The following CNTNAP2 variants were observed in gnomAD, a reference collection of about 807,000 sequenced individuals.
The protein encoded by CNTNAP2 is contactin-associated protein-like 2.
A neutral mutation model predicts 155.2 loss-of-function variants in CNTNAP2; 98 were observed. That is an observed-to-expected ratio of 0.63 (90% CI 0.54 to 0.75). CNTNAP2 has a LOEUF of 0.75. Among genes scored for constraint, CNTNAP2 ranks in the 30% least tolerant of loss-of-function variants. CNTNAP2 has a pLI of 0.00. For synonymous variants in CNTNAP2, 651 were observed against 631.2 expected (o/e 1.03, Z -0.47); for missense variants, 1,727 against 1,688.1 (o/e 1.02, Z -0.40).
chr7:147,046,167 G>A lies in CNTNAP2; in HGVS notation c.550+2113G>A, dbSNP rs555624143. ...TACAGTGCCAAAGCTCACTATCACC[G>A]TTCTGTTTTTAATCCCAGCAAAATA... On this transcript the variant is annotated intron_variant, in intron 4 of 23. Transcript: ENST00000361727. Among the ~76,000 whole-genome samples the A allele has an allele frequency of 9.9e-5, 15 of 152,250 alleles. No individual in the cohort carries two copies. In the South Asian group the frequency reaches 2.5e-3, roughly 25 times the overall value.
At chr7:146,499,495 T>C (rs117367445) in intron 1 of CNTNAP2, among the ~76,000 whole-genome samples, 2,586 of 152,292 alleles carry the variant, frequency 0.017, 31 homozygotes, top group East Asian at 0.04. Flanking sequence ...AAACTGTGAG[T>C]TTCACAACTT....
chr7:147,856,898 A>G (rs946032549), intron 13 of CNTNAP2, among the ~76,000 whole-genome samples: 16 of 152,268 alleles, frequency 1.1e-4, no homozygotes, highest in African/African-American at 3.8e-4. Context: ...TGTACCCCTC[A>G]CCCAAGGAAA....
chr7:147,044,504 T>C (rs1350741666), intron 4 of CNTNAP2, among the ~76,000 whole-genome samples: 1 of 152,186 alleles, frequency 6.6e-6, no homozygotes, highest in East Asian at 1.9e-4. Flanking sequence ...TTATGCCTAT[T>C]CCTATACTAA....
intron 1 of CNTNAP2, among the ~76,000 whole-genome samples, chr7:146,675,191 G>T (rs1175513997): frequency 6.6e-6 from 1 of 151,954 alleles, no homozygotes; most frequent in Non-Finnish European, 1.5e-5. Context: ...TAATAAATGG[G>T]ATAATTAACA....
intron 12 of CNTNAP2, among the ~76,000 whole-genome samples, chr7:147,627,666 T>A (rs1241449791): frequency 8.6e-6 from 1 of 115,702 alleles, no homozygotes; most frequent in African/African-American, 3.7e-5. Context: ...CACTCCAGCC[T>A]GGGGGACAGA....
At chr7:146,246,002 T>C (rs1157758967) in intron 1 of CNTNAP2, among the ~76,000 whole-genome samples, 2 of 149,084 alleles carry the variant, frequency 1.3e-5, no homozygotes, top group East Asian at 3.9e-4. Flanking sequence ...CTTGTAAGGC[T>C]TGTCTGGTTT....
chr7:146,699,426 A>G (rs1202948322), intron 1 of CNTNAP2, among the ~76,000 whole-genome samples: 1 of 152,068 alleles, frequency 6.6e-6, no homozygotes, highest in Non-Finnish European at 1.5e-5. Context: ...ATGTGGTGAT[A>G]GGGTGTGAGG....
At chr7:148,163,283 G>T (rs6959037) in intron 17 of CNTNAP2, among the ~76,000 whole-genome samples, 2 of 152,030 alleles carry the variant, frequency 1.3e-5, no homozygotes, top group Non-Finnish European at 2.9e-5. Flanking sequence ...CAGTTCACTC[G>T]TCTGTAAAAT....
intron 1 of CNTNAP2, among the ~76,000 whole-genome samples, chr7:146,210,689 C>G (rs950665648): frequency 3.9e-5 from 6 of 152,134 alleles, no homozygotes; most frequent in Admixed American, 6.6e-5. Context: ...AATCTCTTAT[C>G]AGAAAAATAT....
At chr7:148,063,654 G>C (rs1803201512) in intron 15 of CNTNAP2, among the ~76,000 whole-genome samples, 1 of 151,392 alleles carries the variant, frequency 6.6e-6, no homozygotes, top group Admixed American at 6.6e-5. Flanking sequence ...AACTTCTGTA[G>C]TGGGTGACAA....
At chr7:148,292,635 G>A (rs1162655914) in intron 21 of CNTNAP2, among the ~76,000 whole-genome samples, 6 of 152,170 alleles carry the variant, frequency 3.9e-5, no homozygotes, top group African/African-American at 1.4e-4. Flanking sequence ...TTAGCCACTG[G>A]TATTACTCTA....
intron 15 of CNTNAP2, among the ~76,000 whole-genome samples, chr7:148,055,488 C>T (rs1025066314): frequency 6.6e-6 from 1 of 152,116 alleles, no homozygotes; most frequent in Admixed American, 6.5e-5. Flanking sequence ...AAATCTGTGA[C>T]CTCCAGAGAG....
At chr7:146,670,127 T>A (rs1800276344) in intron 1 of CNTNAP2, among the ~76,000 whole-genome samples, 1 of 152,220 alleles carries the variant, frequency 6.6e-6, no homozygotes, top group African/African-American at 2.4e-5. Context: ...AAGAAGCTAA[T>A]ATTTTAGGAA....
At chr7:147,722,425 C>T (rs1001136268) in intron 13 of CNTNAP2, among the ~76,000 whole-genome samples, 5 of 152,188 alleles carry the variant, frequency 3.3e-5, no homozygotes, top group African/African-American at 1.2e-4. Flanking sequence ...TTTTTTAAAA[C>T]TCTTATCAAA....
chr7:147,253,849 C>T (rs1185655401), intron 8 of CNTNAP2, among the ~76,000 whole-genome samples: 1 of 152,180 alleles, frequency 6.6e-6, no homozygotes, highest in Non-Finnish European at 1.5e-5. Context: ...TCTTCTGTGC[C>T]AAGCACTGTG....
intron 21 of CNTNAP2, among the ~76,000 whole-genome samples, chr7:148,366,737 T>C (rs1243807551): frequency 6.6e-6 from 1 of 152,194 alleles, no homozygotes; most frequent in Non-Finnish European, 1.5e-5. Flanking sequence ...CAGTTTGTGA[T>C]TTCCAGATAC....
At chr7:147,405,125 TA>T (rs1796983739) in intron 10 of CNTNAP2, among the ~76,000 whole-genome samples, 1 of 152,168 alleles carries the variant, frequency 6.6e-6, no homozygotes, top group East Asian at 1.9e-4. Flanking sequence ...TGCATTAAAG[TA>T]ATGTCAGAAA....
intron 1 of CNTNAP2, among the ~76,000 whole-genome samples, chr7:146,765,841 T>C (rs913084631): frequency 1.3e-5 from 2 of 152,066 alleles, no homozygotes; most frequent in African/African-American, 4.8e-5. Flanking sequence ...GAACCAGCTC[T>C]TTTAAACCTG....
At position 147,330,135 on chromosome 7, in the gene CNTNAP2, T is replaced by A. The variant is rs766840549; in HGVS notation, c.1498+29845T>A. On this transcript the variant is annotated intron_variant, in intron 9 of 23. Coordinates refer to ENST00000361727, the MANE Select transcript of CNTNAP2 (RefSeq NM_014141.6). ...AGACCAAATGATGAGAGGGTTGGAA[T>A]CTTTTACCCCACCTACCAACCTCCT... Among the ~76,000 whole-genome samples, 9 of 152,186 alleles carry A rather than the reference T, an allele frequency of 5.9e-5. No individual in the cohort carries two copies. The South Asian group carries it at 8.3e-4, about 14-fold the overall frequency.
Sources: allele counts gnomAD v4.1 joint callset (sites outside exome capture counted in the v4.1 genomes callset), GRCh38; gene constraint gnomAD v4.1.1; transcripts MANE v1.5; gene names NCBI Gene and HGNC (gene_info 2026-07-23, HGNC 2026-07-21).